USP9X: variants seen among roughly 807,000 people sequenced by gnomAD.
The protein encoded by USP9X is ubiquitin carboxyl-terminal hydrolase 9X.
A neutral mutation model predicts 190.3 loss-of-function variants in USP9X; 7 were observed. That is an observed-to-expected ratio of 0.04 (90% CI 0.02 to 0.07). The LOEUF (loss-of-function observed/expected upper bound fraction) is 0.07, where lower values mean the gene tolerates loss of function less well. Ranked by LOEUF, USP9X falls within the 10% of genes least tolerant of loss-of-function variation. USP9X has a pLI of 1.00. For missense variants in USP9X, 1,010 were observed against 1,916.9 expected (o/e 0.53, Z 8.83); for synonymous variants, 645 against 659.5 (o/e 0.98, Z 0.34).
At chrX:41,225,008 TC>T in intron 40 of USP9X, 40 bp from the exon 41 acceptor site, 1 of 1,208,709 alleles carries the variant, frequency 8.3e-7, no homozygotes, top group Non-Finnish European at 1.1e-6. Context: ...GATTTGTTAT[TC>T]CTTTCATTAA....
chrX:41,214,083 G>A (rs774175117), intron 33 of USP9X, among the ~76,000 whole-genome samples: 6 of 112,378 alleles, frequency 5.3e-5, no homozygotes, highest in Non-Finnish European at 1.1e-4. Flanking sequence ...GTACTCATTT[G>A]TGTGTGCAAA....
chrX:41,214,983 A>G (rs751828232), intron 34 of USP9X, among the ~76,000 whole-genome samples: 1 of 112,305 alleles, frequency 8.9e-6, no homozygotes, highest in South Asian at 3.7e-4. Context: ...TCTCTTATAT[A>G]AGTTACACAG....
chrX:41,129,700 C>T (rs904114520), intron 3 of USP9X, among the ~76,000 whole-genome samples: 3 of 111,597 alleles, frequency 2.7e-5, no homozygotes, highest in Admixed American at 9.5e-5. Flanking sequence ...AAAAAGATTT[C>T]AAGAGGCTAG....
chrX:41,218,708 G>C, intron 37 of USP9X, 111 bp downstream of exon 37: 1 of 678,198 alleles, frequency 1.5e-6, no homozygotes, highest in Non-Finnish European at 2.3e-6. Flanking sequence ...TTACCTAACA[G>C]AAACACACAA....
Position 41,196,801 on chromosome X carries a change from A to G in USP9X, c.4233+63A>G, listed in dbSNP as rs7060573. The G allele has an allele frequency of 7.1e-3, 6,773 of 947,717 alleles. 269 individuals carry two copies. In the African/African-American group the frequency reaches 0.12, roughly 17 times the overall value. The allele number at this position is 947,717 out of a possible 1,213,427, so 78.1% of individuals were successfully genotyped here. On this transcript the variant is annotated intron_variant, in intron 28 of 44. Transcript: ENST00000378308. The stretch of plus-strand genomic sequence containing the variant: ...TAGTAAATAGAATGTTTTATTGATG[A>G]TTTATATTTTTTGAGCATTTTGGTT...
chrX:41,117,524 T>G (rs936545202), intron 1 of USP9X, among the ~76,000 whole-genome samples: 1 of 110,487 alleles, frequency 9.1e-6, no homozygotes, highest in Non-Finnish European at 1.9e-5. Flanking sequence ...TATACAATTT[T>G]ACTGTGGGAA....
chrX:41,205,869 TTTTTTC>T (rs1296393955), intron 32 of USP9X, among the ~76,000 whole-genome samples: 5 of 95,549 alleles, frequency 5.2e-5, no homozygotes, highest in African/African-American at 1.1e-4. Flanking sequence ...TTTTTTTTCT[TTTTTTC>T]TTTTTCTTTT....
intron 41 of USP9X, among the ~76,000 whole-genome samples, chrX:41,225,694 A>G (rs1457413726): frequency 8.0e-5 from 9 of 112,446 alleles, no homozygotes; most frequent in Non-Finnish European, 1.5e-4. Flanking sequence ...CAACCAGTCA[A>G]TACATAACCT....
At chrX:41,204,747 T>C (rs2063075339) in intron 31 of USP9X, among the ~76,000 whole-genome samples, 1 of 112,008 alleles carries the variant, frequency 8.9e-6, no homozygotes, top group Non-Finnish European at 1.9e-5. Flanking sequence ...GCTGTACAAG[T>C]TTACAACCTA....
intron 16 of USP9X, among the ~76,000 whole-genome samples, 153 bp downstream of exon 16, chrX:41,166,367 C>T (rs1463929397): frequency 9.0e-6 from 1 of 111,676 alleles, no homozygotes; most frequent in East Asian, 2.8e-4. Context: ...TATTATGTCA[C>T]CTGTCAGTGG....
At chrX:41,115,014 A>G (rs1420495120) in intron 1 of USP9X, among the ~76,000 whole-genome samples, 1 of 108,047 alleles carries the variant, frequency 9.3e-6, no homozygotes, top group Non-Finnish European at 1.9e-5. Context: ...CGAGGTCAGG[A>G]GTTTTAGACC....
intron 12 of USP9X, among the ~76,000 whole-genome samples, chrX:41,149,860 C>T (rs1435946293): frequency 9.1e-6 from 1 of 110,351 alleles, no homozygotes; most frequent in Non-Finnish European, 1.9e-5. Flanking sequence ...CGTGCCACCA[C>T]ACCCAGCTAA....
At chrX:41,094,645 T>TCCATA (rs200057312) in intron 1 of USP9X, among the ~76,000 whole-genome samples, 2,297 of 111,826 alleles carry the variant, frequency 0.021, 62 homozygotes, top group African/African-American at 0.069. Flanking sequence ...GTACGCCTTA[T>TCCATA]CCATAATATT....
At chrX:41,231,019 G>A (rs1569205551) in intron 44 of USP9X, among the ~76,000 whole-genome samples, 1 of 110,717 alleles carries the variant, frequency 9.0e-6, no homozygotes, top group Non-Finnish European at 1.9e-5. Context: ...AAAATCACTG[G>A]AAAAAAAAGG....
intron 31 of USP9X, among the ~76,000 whole-genome samples, chrX:41,203,375 T>G (rs1390304570): frequency 8.9e-6 from 1 of 112,347 alleles, no homozygotes; most frequent in African/African-American, 3.2e-5. Context: ...GCAACTACTA[T>G]TCTTTTTGTC....
chrX:41,225,924 A>G (rs2063308321), intron 41 of USP9X, among the ~76,000 whole-genome samples: 1 of 112,415 alleles, frequency 8.9e-6, no homozygotes, highest in Non-Finnish European at 1.9e-5. Context: ...AAGCACAAAT[A>G]TGTGGAAAAT....
chrX:41,100,448 A>T (rs1301177908), intron 1 of USP9X, among the ~76,000 whole-genome samples: 1 of 111,908 alleles, frequency 8.9e-6, no homozygotes. Context: ...AGTGTTAACT[A>T]CTGCATTACA....
intron 38 of USP9X, among the ~76,000 whole-genome samples, chrX:41,221,989 GAACA>G (rs1016158337): frequency 9.0e-6 from 1 of 111,134 alleles, no homozygotes; most frequent in African/African-American, 3.3e-5. Context: ...ATTCTAACAT[GAACA>G]ACTGTGAGTG....
At chrX:41,140,588 A>C (rs1287114063) in intron 6 of USP9X, 68 bp from the exon 7 acceptor site, 9 of 748,112 alleles carry the variant, frequency 1.2e-5, no homozygotes, top group Non-Finnish European at 1.8e-5. Flanking sequence ...TATTTCAATA[A>C]GGCTTTTTTT....
Sources: allele counts gnomAD v4.1 joint callset (sites outside exome capture counted in the v4.1 genomes callset), GRCh38; gene constraint gnomAD v4.1.1; transcripts MANE v1.5; gene names NCBI Gene and HGNC (gene_info 2026-07-23, HGNC 2026-07-21).